Variants in NUMB observed in about 807,000 individuals in gnomAD.
The protein encoded by NUMB is NUMB endocytic adaptor protein.
A neutral mutation model predicts 59.7 loss-of-function variants in NUMB; 29 were observed. That is an observed-to-expected ratio of 0.49 (90% CI 0.36 to 0.66). The LOEUF is 0.66. Ranked by LOEUF, NUMB falls within the 30% of genes least tolerant of loss-of-function variation. NUMB has a pLI of 0.00. For synonymous variants in NUMB, 288 were observed against 288.2 expected (o/e 1.00, Z 0.01); for missense variants, 723 against 822.0 (o/e 0.88, Z 1.47).
chr14:73,295,492 C>CA (rs1889714759), intron 7 of NUMB, among the ~76,000 whole-genome samples: 1 of 152,024 alleles, frequency 6.6e-6, no homozygotes, highest in Admixed American at 6.5e-5. Context: ...ACACAAGTTC[C>CA]AAAAAATAAT....
At chr14:73,354,128 TC>T (rs1435557805) in intron 4 of NUMB, among the ~76,000 whole-genome samples, 2 of 152,098 alleles carry the variant, frequency 1.3e-5, no homozygotes, top group Admixed American at 1.3e-4. Context: ...ATTTTTTTTT[TC>T]CCTTCAGAAG....
intron 2 of NUMB, among the ~76,000 whole-genome samples, chr14:73,388,962 G>T (rs1895688421): frequency 6.6e-6 from 1 of 152,018 alleles, no homozygotes; most frequent in Non-Finnish European, 1.5e-5. Flanking sequence ...AGCAGGGCGT[G>T]GTGGCGGGCG....
At chr14:73,394,279 G>A (rs183570403) in intron 2 of NUMB, among the ~76,000 whole-genome samples, 1 of 152,188 alleles carries the variant, frequency 6.6e-6, no homozygotes, top group African/African-American at 2.4e-5. Context: ...GATATACAAC[G>A]TGATGTTTTG....
At chr14:73,361,826 G>A (rs1894109411) in intron 3 of NUMB, among the ~76,000 whole-genome samples, 1 of 152,174 alleles carries the variant, frequency 6.6e-6, no homozygotes, top group South Asian at 2.1e-4. Flanking sequence ...CACAATGAAA[G>A]AGACAGAAAA....
At chr14:73,293,454 C>A (rs1346407224) in intron 7 of NUMB, among the ~76,000 whole-genome samples, 1 of 143,924 alleles carries the variant, frequency 6.9e-6, no homozygotes, top group Admixed American at 7.2e-5. Context: ...TGCAGTGGCG[C>A]GATCTTGGCT....
intron 1 of NUMB, among the ~76,000 whole-genome samples, chr14:73,451,179 A>AAAAAAAAC (rs1566804087): frequency 6.7e-6 from 1 of 148,856 alleles, no homozygotes; most frequent in African/African-American, 2.5e-5. Flanking sequence ...AAAAAACAAA[A>AAAAAAAAC]AACAAATCTA....
intron 2 of NUMB, among the ~76,000 whole-genome samples, chr14:73,388,782 T>C (rs542306282): frequency 2.0e-5 from 3 of 151,554 alleles, no homozygotes; most frequent in Admixed American, 6.6e-5. Context: ...GGCCAAAATA[T>C]AGTGAAAGCC....
chr14:73,443,866 G>C (rs890035426), intron 1 of NUMB, among the ~76,000 whole-genome samples: 5 of 151,352 alleles, frequency 3.3e-5, no homozygotes, highest in Non-Finnish European at 7.4e-5. Flanking sequence ...TTGCCCTCTC[G>C]AACTCCTGAG....
At chr14:73,294,019 A>C (rs1376884905) in intron 7 of NUMB, among the ~76,000 whole-genome samples, 1 of 152,234 alleles carries the variant, frequency 6.6e-6, no homozygotes, top group East Asian at 1.9e-4. Context: ...TTTGATGAGA[A>C]TAAGTCAGAC....
intron 8 of NUMB, among the ~76,000 whole-genome samples, chr14:73,291,401 G>A (rs920711539): frequency 6.9e-6 from 1 of 145,486 alleles, no homozygotes; most frequent in African/African-American, 2.6e-5. Flanking sequence ...TTATTTTTGA[G>A]ACGGAGTCTT....
At chr14:73,403,517 G>A (rs1896512685) in intron 2 of NUMB, among the ~76,000 whole-genome samples, 1 of 152,226 alleles carries the variant, frequency 6.6e-6, no homozygotes, top group Non-Finnish European at 1.5e-5. Flanking sequence ...AGAAGCCTGA[G>A]CTGAGGAAAG....
At position 73,355,639 on chromosome 14, in the gene NUMB, C is replaced by T. The variant is rs1271307346; in HGVS notation, c.113G>A (p.Ser38Asn). The change falls in exon 4 of 13, where the codon AGC (serine) becomes AAC (asparagine). Residue 38 changes from serine to asparagine, a missense_variant. Ser to Asn is a conservative substitution (Grantham distance 46). Around this residue, in one of 2 missense-constraint regions of NUMB, gnomAD observed 317 missense variants for 436.6 expected, o/e 0.73. Coordinates refer to ENST00000555238, the MANE Select transcript of NUMB (RefSeq NM_001005743.2). ...DEEGVRTGKC[S>N]FPVKYLGHVE... ...ATCAGCTCTTACCTTAACCGGGAAGCTACATTTTCCGGTGCGAACGCCTTC... is the reference window on the plus strand; with the variant it reads ...ATCAGCTCTTACCTTAACCGGGAAGTTACATTTTCCGGTGCGAACGCCTTC... 1.9e-6 allele frequency: 3 copies of T among 1,613,104 alleles called. No homozygotes were observed. Among genetic ancestry groups the T allele is most frequent in the Non-Finnish European group, 2.5e-6 (3 of 1,179,630 alleles).
At chr14:73,331,750 G>A (rs930936138) in intron 4 of NUMB, among the ~76,000 whole-genome samples, 13 of 152,160 alleles carry the variant, frequency 8.5e-5, no homozygotes, top group Admixed American at 1.3e-4. Flanking sequence ...TTTTATAAGC[G>A]TCTAGCATTT....
intron 2 of NUMB, among the ~76,000 whole-genome samples, chr14:73,387,703 A>G (rs1229973460): frequency 7.3e-5 from 11 of 150,794 alleles, no homozygotes; most frequent in African/African-American, 2.7e-4. Context: ...ACTGCACTCC[A>G]GCCTGGGCTA....
rs553602858 is a variant in NUMB, at chr14:73,443,346, A to G, written c.-233+15147T>C. ...TACAGTGGCTCACGCCTGTAATCCC[A>G]GCACTTTGGGAGGCTGAGGCGGGTG... On this transcript the variant is annotated intron_variant, in intron 1 of 12. Transcript: ENST00000555238. Among the ~76,000 whole-genome samples, 8 of 152,334 alleles carry G rather than the reference A, an allele frequency of 5.3e-5. No homozygotes were observed. In the East Asian group the frequency reaches 1.5e-3, roughly 29 times the overall value.
intron 2 of NUMB, among the ~76,000 whole-genome samples, chr14:73,400,479 T>C (rs1002170813): frequency 1.3e-5 from 2 of 152,162 alleles, no homozygotes; most frequent in South Asian, 4.1e-4. Flanking sequence ...TTATGAAACA[T>C]ATAATTGGTC....
At chr14:73,400,408 T>C (rs1896356632) in intron 2 of NUMB, among the ~76,000 whole-genome samples, 1 of 152,226 alleles carries the variant, frequency 6.6e-6, no homozygotes, top group Non-Finnish European at 1.5e-5. Flanking sequence ...TAAACTCTAA[T>C]GTAACCTAAG....
In NUMB at chr14:73,282,954, T is replaced by C. The variant is rs113612358; in HGVS notation, c.950-449A>G. On this transcript the variant is annotated intron_variant, in intron 10 of 12. Transcript: ENST00000555238. Reference sequence around the variant, plus strand: ...GGAAAATGGGTTCAAGTCTGGGCACTAGTGGATGCTTAGTGCTTTTCTCTG... The same window carrying C: ...GGAAAATGGGTTCAAGTCTGGGCACCAGTGGATGCTTAGTGCTTTTCTCTG... Among the ~76,000 whole-genome samples, 491 of 152,332 alleles carry C rather than the reference T, an allele frequency of 3.2e-3. 1 individual carries two copies. The highest frequency in any genetic ancestry group is 9.2e-3 in the African/African-American group (381 of 41,572).
At chr14:73,365,976 C>T (rs72736330) in intron 3 of NUMB, among the ~76,000 whole-genome samples, 1 of 152,278 alleles carries the variant, frequency 6.6e-6, no homozygotes, top group East Asian at 1.9e-4. Context: ...AGCACTCCTG[C>T]AAGTGATAAA....
Sources: allele counts gnomAD v4.1 joint callset (sites outside exome capture counted in the v4.1 genomes callset), GRCh38; gene constraint gnomAD v4.1.1; regional missense constraint gnomAD v4.1.1; transcripts MANE v1.5; gene names NCBI Gene and HGNC (gene_info 2026-07-23, HGNC 2026-07-21).